Variants in ADGRG6 observed in about 807,000 individuals in gnomAD.
ADGRG6 encodes the protein G-protein coupled receptor 126.
Under a neutral mutation model 142.4 loss-of-function variants are expected in ADGRG6, and 84 were observed. That is an observed-to-expected ratio of 0.59 (90% CI 0.49 to 0.71). The LOEUF (loss-of-function observed/expected upper bound fraction) is 0.71. Among genes scored for constraint, ADGRG6 ranks in the 30% least tolerant of loss-of-function variants. ADGRG6 has a pLI of 0.00. For missense variants in ADGRG6, 1,367 were observed against 1,466.6 expected, an observed-to-expected ratio of 0.93 and a Z score of 1.11; for synonymous variants, 521 against 520.5, an observed-to-expected ratio of 1.00 and a Z score of -0.01.
At chr6:142,323,553 G>A (rs578063803) in intron 2 of ADGRG6, among the ~76,000 whole-genome samples, 1 of 152,082 alleles carries the variant, frequency 6.6e-6, no homozygotes, top group Non-Finnish European at 1.5e-5. Context: ...CATAAGATTA[G>A]TCATGCATTG....
intron 18 of ADGRG6, among the ~76,000 whole-genome samples, chr6:142,412,448 A>T (rs1382311520): frequency 6.6e-6 from 1 of 152,136 alleles, no homozygotes; most frequent in African/African-American, 2.4e-5. Flanking sequence ...GATCTGTGGG[A>T]TGTAGTATTT....
Position 142,402,807 on chromosome 6 carries a change from T to A in ADGRG6, c.1932T>A (p.Ser644Arg), listed in dbSNP as rs775155415. The change falls in exon 13 of 25, where the codon AGT (serine) becomes AGA (arginine). Residue 644 changes from serine (S) to arginine (R), a missense_variant. Coordinates refer to ENST00000367609, the MANE Select transcript of ADGRG6 (RefSeq NM_198569.3). ...CTAATATCTTAAGCAGTTCAGACAG[T>A]GACTTGCTTGAGTCATCTTCTGAGT... The part of the protein sequence containing the change: ...IFSNILSSSD[S>R]DLLESSSEAL... 3 of 1,584,528 alleles carry A rather than the reference T, an allele frequency of 1.9e-6. No individual in the cohort carries two copies. In the South Asian group the frequency reaches 3.5e-5, roughly 18 times the overall value.
At chr6:142,394,009 T>C in intron 9 of ADGRG6, 51 bp downstream of exon 9, 1 of 1,102,866 alleles carries the variant, frequency 9.1e-7, no homozygotes, top group South Asian at 1.4e-5. Flanking sequence ...TCTTGCTCAC[T>C]ACTTTATCTG....
intron 2 of ADGRG6, among the ~76,000 whole-genome samples, chr6:142,334,342 C>T (rs577583551): frequency 4.6e-5 from 7 of 152,244 alleles, no homozygotes; most frequent in African/African-American, 1.7e-4. Flanking sequence ...AGATATATTA[C>T]ACTTGTTAAC....
At chr6:142,370,843 T>C in intron 4 of ADGRG6, 50 bp downstream of exon 4, 1 of 1,554,788 alleles carries the variant, frequency 6.4e-7, no homozygotes, top group South Asian at 1.1e-5. Context: ...CATTATTCTA[T>C]GAATATGATT....
intron 4 of ADGRG6, among the ~76,000 whole-genome samples, chr6:142,372,632 A>G (rs141472867): frequency 6.7e-4 from 102 of 152,338 alleles, no homozygotes; most frequent in African/African-American, 2.4e-3. Context: ...GCAGAGCTTT[A>G]TAAGAGCTGG....
chr6:142,418,906 A>C (rs1776512689), intron 21 of ADGRG6, among the ~76,000 whole-genome samples: 1 of 152,162 alleles, frequency 6.6e-6, no homozygotes, highest in Admixed American at 6.6e-5. Context: ...ATATTATTTG[A>C]CAACTTTGCA....
rs1583065732 is a variant in ADGRG6, at chr6:142,382,021, T to C, written c.1138+2T>C. The C allele has an allele frequency of 1.3e-6, 2 of 1,581,630 alleles. No individual in the cohort carries two copies. The highest frequency in any genetic ancestry group is 1.7e-6 in the Non-Finnish European group (2 of 1,155,052). On this transcript the variant is annotated splice_donor_variant, in intron 5 of 24. Transcript: ENST00000367609. LOFTEE classifies it high-confidence loss of function. ...CAGACCTGGGGACCCTCTGTCAAGG[T>C]AGGGAGCCCACACCGTGCTCTGGAA...
rs551526061 is a variant in ADGRG6, at chr6:142,337,089, G to C, written c.103+27445G>C. On this transcript the variant is annotated intron_variant, in intron 2 of 24. Coordinates refer to ENST00000367609, the MANE Select transcript of ADGRG6 (RefSeq NM_198569.3). ...AACAGGGGCAGTTTTTTCTCTTTTG[G>C]AATAAATTTCACAGGTACTCCATCT... 3.9e-4 allele frequency among the ~76,000 whole-genome samples: 60 copies of C among 152,178 alleles called. No individual in the cohort carries two copies. In the East Asian group the frequency reaches 7.5e-3, roughly 19 times the overall value.
intron 3 of ADGRG6, among the ~76,000 whole-genome samples, chr6:142,368,688 C>T (rs1466132330): frequency 6.6e-6 from 1 of 151,798 alleles, no homozygotes; most frequent in Non-Finnish European, 1.5e-5. Flanking sequence ...AATGACTGAC[C>T]CTCACTATTA....
At chr6:142,438,029 C>T (rs1777570441) in intron 23 of ADGRG6, 183 bp from the exon 24 acceptor site, 1 of 465,928 alleles carries the variant, frequency 2.1e-6, no homozygotes, top group African/African-American at 2.0e-5. Context: ...AGTACGTATA[C>T]AAGGTCAAAG....
chr6:142,308,090 T>C (rs1247352251), intron 1 of ADGRG6, among the ~76,000 whole-genome samples: 2 of 152,020 alleles, frequency 1.3e-5, no homozygotes, highest in African/African-American at 2.4e-5. Context: ...GATTTCACTG[T>C]GGACAGAATA....
intron 2 of ADGRG6, among the ~76,000 whole-genome samples, chr6:142,310,032 A>G (rs1457368593): frequency 6.6e-6 from 1 of 151,908 alleles, no homozygotes; most frequent in Non-Finnish European, 1.5e-5. Flanking sequence ...TATGGAAAGT[A>G]CAGACTTTGC....
chr6:142,318,489 C>T (rs1009750439), intron 2 of ADGRG6, among the ~76,000 whole-genome samples: 3 of 140,228 alleles, frequency 2.1e-5, no homozygotes, highest in Non-Finnish European at 3.0e-5. Context: ...AAATCATTGC[C>T]TTTAATGTTA....
chr6:142,344,304 T>C (rs770197600), intron 2 of ADGRG6, among the ~76,000 whole-genome samples: 14 of 151,988 alleles, frequency 9.2e-5, no homozygotes, highest in Non-Finnish European at 2.1e-4. Flanking sequence ...CAAGCTTTTC[T>C]TTATGCTATA....
At chr6:142,365,026 G>A (rs1780881981) in intron 2 of ADGRG6, among the ~76,000 whole-genome samples, 2 of 152,134 alleles carry the variant, frequency 1.3e-5, no homozygotes, top group South Asian at 4.1e-4. Flanking sequence ...CTGCCTGTCT[G>A]CATGTTGCGA....
chr6:142,430,028 G>C (rs575796838), intron 22 of ADGRG6, among the ~76,000 whole-genome samples: 1 of 152,120 alleles, frequency 6.6e-6, no homozygotes, highest in African/African-American at 2.4e-5. Flanking sequence ...TCCAGCCTGG[G>C]TGAGAGAGTG....
intron 2 of ADGRG6, among the ~76,000 whole-genome samples, chr6:142,361,959 T>C (rs1342568553): frequency 6.6e-6 from 1 of 152,230 alleles, no homozygotes; most frequent in Non-Finnish European, 1.5e-5. Flanking sequence ...CATAACAGGC[T>C]GACTCTGGAA....
chr6:142,341,596 AT>A (rs1366394897), intron 2 of ADGRG6, among the ~76,000 whole-genome samples: 1 of 127,960 alleles, frequency 7.8e-6, no homozygotes, highest in African/African-American at 3.0e-5. Context: ...AATATTATAT[AT>A]TATATATACT....
Sources: allele counts gnomAD v4.1 joint callset (sites outside exome capture counted in the v4.1 genomes callset), GRCh38; gene constraint gnomAD v4.1.1; transcripts MANE v1.5; gene names NCBI Gene and HGNC (gene_info 2026-07-23, HGNC 2026-07-21).